MACC1: variants seen among roughly 807,000 people sequenced by gnomAD.
MACC1 encodes MET transcriptional regulator MACC1.
MACC1 carries 79 observed loss-of-function variants against 70.7 expected under a neutral mutation model. The ratio of observed to expected loss-of-function variants is 1.12; its 90% CI spans 0.93 to 1.35. The LOEUF (loss-of-function observed/expected upper bound fraction) is 1.35, where lower values mean the gene tolerates loss of function less well. Among genes scored for constraint, MACC1 ranks in the 40% most tolerant of loss-of-function variants. The probability of loss-of-function intolerance (pLI) is 0.00; values close to 1 mark genes in which losing one functional copy is unlikely to be tolerated. For synonymous variants in MACC1, 361 were observed against 347.2 expected (o/e 1.04, Z -0.44); for missense variants, 1,106 against 978.1 (o/e 1.13, Z -1.74).
chr7:20,154,721 C>T (rs879864793), intron 5 of MACC1, among the ~76,000 whole-genome samples: 4 of 151,984 alleles, frequency 2.6e-5, no homozygotes, highest in East Asian at 1.9e-4. Flanking sequence ...TCTGAAGTTC[C>T]GGCAGTCTCT....
At chr7:20,209,980 G>A (rs1247604230) in intron 1 of MACC1, among the ~76,000 whole-genome samples, 1 of 152,144 alleles carries the variant, frequency 6.6e-6, no homozygotes, top group Non-Finnish European at 1.5e-5. Context: ...CTGTGAAGAG[G>A]TGCCTTCTGC....
At chr7:20,212,920 C>G (rs1335197927) in intron 1 of MACC1, among the ~76,000 whole-genome samples, 1 of 151,934 alleles carries the variant, frequency 6.6e-6, no homozygotes, top group Non-Finnish European at 1.5e-5. Context: ...GGCTGGAGAC[C>G]CCATTTGGTA....
At chr7:20,153,474 T>C (rs1275391005) in intron 6 of MACC1, 1 of 152,226 alleles carries the variant, frequency 6.6e-6, no homozygotes, top group Non-Finnish European at 1.5e-5. Context: ...ATATTTTACA[T>C]GTGCCCTTCA....
intron 2 of MACC1, among the ~76,000 whole-genome samples, chr7:20,166,383 C>T (rs1368576436): frequency 3.9e-5 from 6 of 152,164 alleles, no homozygotes; most frequent in Non-Finnish European, 5.9e-5. Flanking sequence ...GAATCATAAT[C>T]AGCTGATGAT....
intron 1 of MACC1, among the ~76,000 whole-genome samples, chr7:20,212,701 A>G (rs1783016063): frequency 6.6e-6 from 1 of 151,730 alleles, no homozygotes; most frequent in South Asian, 2.1e-4. Context: ...TCTCCTCTCA[A>G]TTTCAAATCA....
intron 1 of MACC1, among the ~76,000 whole-genome samples, chr7:20,178,290 CA>C (rs1562593219): frequency 0.028 from 4,022 of 146,032 alleles, 157 homozygotes; most frequent in East Asian, 0.18. Context: ...CACACACACA[CA>C]CACACACTCC....
At chr7:20,143,380 G>GTTT (rs1197087503) in intron 6 of MACC1, among the ~76,000 whole-genome samples, 1 of 152,144 alleles carries the variant, frequency 6.6e-6, no homozygotes, top group African/African-American at 2.4e-5. Context: ...TGTTGTTGTT[G>GTTT]TTGTTGCTTT....
chr7:20,167,483 A>C (rs1183064445), intron 2 of MACC1, among the ~76,000 whole-genome samples: 1 of 151,976 alleles, frequency 6.6e-6, no homozygotes, highest in African/African-American at 2.4e-5. Context: ...GGCATGAGCC[A>C]CTATGCCTGG....
intron 1 of MACC1, among the ~76,000 whole-genome samples, chr7:20,217,071 T>C (rs1783081960): frequency 1.3e-5 from 2 of 152,200 alleles, no homozygotes. Context: ...AATAAACTAC[T>C]TTATTCTAAA....
rs536663839 is a variant in MACC1, at chr7:20,140,030, C to A, written c.*916G>T. The A allele has an allele frequency of 6.6e-6, 1 of 152,160 alleles. No individual in the cohort carries two copies. Among genetic ancestry groups the A allele is most frequent in the East Asian group, 1.9e-4 (1 of 5,176 alleles). 9.4% of individuals were successfully genotyped at this position (152,160 alleles called of 1,614,324 possible). A position where few individuals can be genotyped will look rare whatever the true frequency, so the allele number is the denominator to read the frequency against. ...TAAAGAACTATTTTACATTACAATC[C>A]TGCAGAAAAAGTCCCAAATTAGGCA... On this transcript the variant is annotated 3_prime_UTR_variant, in exon 7 of 7. Transcript: ENST00000400331.
chr7:20,186,104 C>A (rs1350330861), intron 1 of MACC1, among the ~76,000 whole-genome samples: 23 of 152,234 alleles, frequency 1.5e-4, no homozygotes, highest in African/African-American at 4.8e-4. Context: ...GCTACTATTA[C>A]ATTTACGATA....
chr7:20,177,036 C>G (rs1782403564), intron 1 of MACC1, among the ~76,000 whole-genome samples: 1 of 152,046 alleles, frequency 6.6e-6, no homozygotes, highest in Non-Finnish European at 1.5e-5. Context: ...GATAAAATGT[C>G]AAAGAGCTAT....
intron 1 of MACC1, among the ~76,000 whole-genome samples, chr7:20,213,399 A>G (rs1203161642): frequency 6.6e-6 from 1 of 152,216 alleles, no homozygotes; most frequent in Non-Finnish European, 1.5e-5. Context: ...CACAAATACC[A>G]TTTTATCCAG....
At chr7:20,194,582 C>T (rs1403012451) in intron 1 of MACC1, among the ~76,000 whole-genome samples, 1 of 152,198 alleles carries the variant, frequency 6.6e-6, no homozygotes, top group East Asian at 1.9e-4. Flanking sequence ...TTGGCCCATC[C>T]ATTAGAGATC....
At position 20,139,825 on chromosome 7, in the gene MACC1, T is replaced by TACACACACACACAC. The variant is rs72161770; in HGVS notation, c.*1107_*1120dup. ...GGCTGTGCTTTATAAAACACTGTGG[T>TACACACACACACAC]ACACACACACACACACACACACACA... On this transcript the variant is annotated 3_prime_UTR_variant, in exon 7 of 7. Transcript: ENST00000400331. 4 of 146,042 alleles carry TACACACACACACAC rather than the reference T, an allele frequency of 2.7e-5. No individual in the cohort carries two copies. The highest frequency in any genetic ancestry group is 1.0e-4 in the African/African-American group (4 of 39,750). The allele number at this position is 146,042 out of a possible 1,614,324, so 9.0% of individuals were successfully genotyped here.
chr7:20,152,593 G>A (rs950256970), intron 6 of MACC1, among the ~76,000 whole-genome samples: 3 of 152,118 alleles, frequency 2.0e-5, no homozygotes, highest in African/African-American at 7.2e-5. Context: ...ACAATAAGTT[G>A]AACTATCATA....
rs78562073 is a variant in MACC1, at chr7:20,180,837, C to A, written c.-217-10059G>T. Reference sequence around the variant, plus strand: ...ACTCCAGCATGGGTGACAGGATGAGCCTGCATCTCAAATAACAATAATAAT... The same window carrying A: ...ACTCCAGCATGGGTGACAGGATGAGACTGCATCTCAAATAACAATAATAAT... On this transcript the variant is annotated intron_variant, in intron 1 of 6. Coordinates refer to ENST00000400331, the MANE Select transcript of MACC1 (RefSeq NM_182762.4). Among the ~76,000 whole-genome samples, 544 of 152,050 alleles carry A rather than the reference C, an allele frequency of 3.6e-3. 7 individuals carry two copies. Among genetic ancestry groups the A allele is most frequent in the African/African-American group, 0.012 (511 of 41,490 alleles).
intron 6 of MACC1, among the ~76,000 whole-genome samples, chr7:20,146,940 AAAAGCAC>A (rs1168555440): frequency 6.6e-6 from 1 of 152,208 alleles, no homozygotes; most frequent in Admixed American, 6.5e-5. Flanking sequence ...TGAGGCTGAT[AAAAGCAC>A]AAAGTTGTTA....
chr7:20,149,948 A>G (rs1781950387), intron 6 of MACC1, among the ~76,000 whole-genome samples: 1 of 152,192 alleles, frequency 6.6e-6, no homozygotes, highest in Non-Finnish European at 1.5e-5. Flanking sequence ...TAGCCATGTA[A>G]CTGGATAAAT....
Sources: gnomAD v4.1 joint callset for allele counts (sites outside exome capture counted in the v4.1 genomes callset) on GRCh38, gnomAD v4.1.1 for gene constraint, MANE v1.5 for transcripts, NCBI Gene and HGNC (gene_info 2026-07-23, HGNC 2026-07-21) for gene names.